Variants in CHAF1A observed in about 807,000 individuals in gnomAD.
CHAF1A encodes the protein chromatin assembly factor 1 subunit A, also known as CAF-1 subunit A.
A neutral mutation model predicts 93.2 loss-of-function variants in CHAF1A; 5 were observed. The ratio of observed to expected loss-of-function variants is 0.05; its 90% CI spans 0.03 to 0.11. CHAF1A has a LOEUF of 0.11. CHAF1A is among the 10% of genes least tolerant of loss of function. CHAF1A has a pLI of 1.00. For missense variants in CHAF1A, 1,102 were observed against 1,259.9 expected (o/e 0.87, Z 1.90); for synonymous variants, 504 against 510.3 (o/e 0.99, Z 0.17).
rs746135415 is a variant in CHAF1A at position 4,432,089 on chromosome 19, C to A, written c.2085C>A (p.Asp695Glu). ...KIGCVWAADRDCAGDDLKVLQ... is the reference protein window; with the variant it reads ...KIGCVWAADRECAGDDLKVLQ... ...GCTGCGTGTGGGCGGCTGACAGAGA[C>A]TGCGCAGGCGATGACCTGAAGGTAC... Residue 695 changes from aspartate (D) to glutamate (E), a missense_variant, in exon 12 of 15, where the codon GAC (aspartate) becomes GAA (glutamate). Around this residue, in one of 6 missense-constraint regions of CHAF1A, gnomAD observed 335 missense variants for 361.9 expected, o/e 0.93. Coordinates refer to ENST00000301280, the MANE Select transcript of CHAF1A (RefSeq NM_005483.3). The A allele has an allele frequency of 1.9e-6, 3 of 1,614,066 alleles. No homozygotes were observed. Among genetic ancestry groups the A allele is most frequent in the Admixed American group, 1.7e-5 (1 of 60,014 alleles).
intron 3 of CHAF1A, among the ~76,000 whole-genome samples, chr19:4,417,457 C>CGTGTT: frequency 9.7e-6 from 1 of 103,102 alleles, no homozygotes; most frequent in Non-Finnish European, 1.8e-5. Flanking sequence ...CCAGCTGTCG[C>CGTGTT]TTTTTTTTTT....
At chr19:4,448,206 C>G (rs1344662205), downstream of CHAF1A, 2 of 1,010,786 alleles carry the variant, frequency 2.0e-6, no homozygotes, top group Admixed American at 2.1e-5. Context: ...TATGCTCCTT[C>G]CCAACCCACC....
rs1177349452 is a variant in CHAF1A, at chr19:4,409,030, C to T, written c.231C>T (p.Asn77=). ...DLEASLDTLE[N]NCHVGSDIDF... Reference sequence around the variant, plus strand: ...AGGCCTCTTTGGACACCTTGGAAAACAACTGTCATGTGGGTTCTGACATAG... The same window carrying T: ...AGGCCTCTTTGGACACCTTGGAAAATAACTGTCATGTGGGTTCTGACATAG... The change falls in exon 3 of 15, where the codon AAC becomes AAT. Residue 77 remains asparagine, a synonymous_variant. Transcript: ENST00000301280. 2 of 1,614,174 alleles carry T rather than the reference C, an allele frequency of 1.2e-6. No homozygotes were observed. Among genetic ancestry groups the T allele is most frequent in the South Asian group, 1.1e-5 (1 of 91,088 alleles).
At chr19:4,439,419 C>T (rs1362370908) in intron 13 of CHAF1A, among the ~76,000 whole-genome samples, 1 of 152,236 alleles carries the variant, frequency 6.6e-6, no homozygotes, top group Non-Finnish European at 1.5e-5. Context: ...TGCAGTGCTG[C>T]TGGCGAGATG....
chr19:4,444,657 C>CCCG (rs56156435), downstream of CHAF1A: 31,864 of 152,340 alleles, frequency 0.21, 3,708 homozygotes, highest in Admixed American at 0.28. Context: ...TTTCATCATA[C>CCCG]CCAAGCCCCT....
At chr19:4,403,241 C>G (rs1385588779) in intron 1 of CHAF1A, among the ~76,000 whole-genome samples, 1 of 152,150 alleles carries the variant, frequency 6.6e-6, no homozygotes, top group African/African-American at 2.4e-5. Context: ...GTACCGATGC[C>G]GCTGAGGGTC....
intron 3 of CHAF1A, among the ~76,000 whole-genome samples, chr19:4,416,855 G>A (rs1256049042): frequency 1.3e-5 from 2 of 151,908 alleles, no homozygotes; most frequent in Non-Finnish European, 1.5e-5. Context: ...CGTGGCACTC[G>A]CTGCACTCCA....
Position 4,435,673 on chromosome 19 carries a change from T to G in CHAF1A, c.2673+2134T>G, listed in dbSNP as rs909761833. ...GTATGAGCCACCGTGCCTGGCTCCC[T>G]GAGTTTGATTTCTAATATCTACACT... On this transcript the variant is annotated intron_variant, in intron 13 of 14. Coordinates refer to ENST00000301280, the MANE Select transcript of CHAF1A (RefSeq NM_005483.3). 8.5e-5 allele frequency among the ~76,000 whole-genome samples: 13 copies of G among 152,160 alleles called. No individual in the cohort carries two copies. In the East Asian group the frequency reaches 2.5e-3, roughly 30 times the overall value.
chr19:4,417,228 C>A (rs1189074237), intron 3 of CHAF1A, among the ~76,000 whole-genome samples: 1 of 152,112 alleles, frequency 6.6e-6, no homozygotes. Flanking sequence ...GCCTTGACCT[C>A]CCAAAGTGCT....
chr19:4,423,977 G>T, intron 7 of CHAF1A, 103 bp downstream of exon 7: 1 of 1,095,134 alleles, frequency 9.1e-7, no homozygotes, highest in Non-Finnish European at 1.4e-6. Flanking sequence ...CATTAGGAGG[G>T]AGGGAGCCTC....
intron 14 of CHAF1A, among the ~76,000 whole-genome samples, chr19:4,442,640 G>A (rs967771382): frequency 2.0e-5 from 3 of 152,224 alleles, no homozygotes; most frequent in South Asian, 4.1e-4. Context: ...AGGGCCAGGT[G>A]GATTTCTGGA....
At chr19:4,404,010 G>A (rs929859330) in intron 1 of CHAF1A, among the ~76,000 whole-genome samples, 1 of 151,638 alleles carries the variant, frequency 6.6e-6, no homozygotes, top group Non-Finnish European at 1.5e-5. Flanking sequence ...TAGTAGAGAC[G>A]GGGTTTCACC....
intron 8 of CHAF1A, 28 bp downstream of exon 8, chr19:4,428,918 C>T (rs1339559048): frequency 1.3e-6 from 2 of 1,583,456 alleles, no homozygotes; most frequent in South Asian, 2.2e-5. Context: ...TCGGCCTTCA[C>T]CCACTAGTGA....
chr19:4,450,689 G>A, the CHAF1A span: 4 of 146,990 alleles, frequency 2.7e-5, no homozygotes, highest in African/African-American at 1.0e-4. Flanking sequence ...AACCTCGTAG[G>A]CGGAGCTTGC....
Position 4,443,388 on chromosome 19 carries a change from C to T in CHAF1A, c.*363C>T. ...ACGAGGCAGTGTATAAACTTATTCT[C>T]TAGCCCTGAGCTGCTCTGTCTGTCT... On this transcript the variant is annotated 3_prime_UTR_variant, in exon 15 of 15. Coordinates refer to ENST00000301280, the MANE Select transcript of CHAF1A (RefSeq NM_005483.3). 1 of 264,602 alleles carries T rather than the reference C, an allele frequency of 3.8e-6. No homozygotes were observed. The highest frequency in any genetic ancestry group is 4.0e-5 in the South Asian group (1 of 25,016). The allele number at this position is 264,602 out of a possible 1,614,324, so 16.4% of individuals were successfully genotyped here. A position where few individuals can be genotyped will look rare whatever the true frequency, so the allele number is the denominator to read the frequency against.
intron 13 of CHAF1A, among the ~76,000 whole-genome samples, chr19:4,434,147 G>A (rs1478432984): frequency 6.6e-6 from 1 of 151,922 alleles, no homozygotes; most frequent in African/African-American, 2.4e-5. Context: ...GGGAGTTGGA[G>A]ACCAGCCTGG....
intron 13 of CHAF1A, among the ~76,000 whole-genome samples, chr19:4,439,472 T>C (rs1974347115): frequency 6.6e-6 from 1 of 152,114 alleles, no homozygotes; most frequent in Non-Finnish European, 1.5e-5. Flanking sequence ...CTCAGCACAG[T>C]GGGACTCGGT....
At chr19:4,418,651 G>A (rs1022782246) in intron 4 of CHAF1A, among the ~76,000 whole-genome samples, 19 of 151,932 alleles carry the variant, frequency 1.3e-4, no homozygotes, top group African/African-American at 3.4e-4. Flanking sequence ...TCCTGACCTC[G>A]TGATCCGCCC....
chr19:4,417,256 C>G (rs1311958873), intron 3 of CHAF1A, among the ~76,000 whole-genome samples: 1 of 152,060 alleles, frequency 6.6e-6, no homozygotes, highest in East Asian at 1.9e-4. Context: ...CAGGCATGAG[C>G]CACTGTGCCC....
Sources: allele counts gnomAD v4.1 joint callset (sites outside exome capture counted in the v4.1 genomes callset), GRCh38; gene constraint gnomAD v4.1.1; regional missense constraint gnomAD v4.1.1; transcripts MANE v1.5; gene names NCBI Gene and HGNC (gene_info 2026-07-23, HGNC 2026-07-21).